Variants in FOXP2 observed in about 807,000 individuals in gnomAD.
The protein encoded by FOXP2 is forkhead box P2.
In FOXP2, 12 loss-of-function variants were observed where a neutral mutation model predicts 115.8. The ratio of observed to expected loss-of-function variants is 0.10; its 90% CI spans 0.07 to 0.17. The LOEUF is 0.17. Among genes scored for constraint, FOXP2 ranks in the 10% least tolerant of loss-of-function variants. The probability of loss-of-function intolerance (pLI) is 1.00; values close to 1 mark genes in which losing one functional copy is unlikely to be tolerated. For missense variants in FOXP2, 629 were observed against 843.5 expected (o/e 0.75, Z 3.15); for synonymous variants, 328 against 297.7 (o/e 1.10, Z -1.05).
chr7:114,352,936 G>A (rs1791529033), intron 2 of FOXP2, among the ~76,000 whole-genome samples: 1 of 152,060 alleles, frequency 6.6e-6, no homozygotes, highest in African/African-American at 2.4e-5. Flanking sequence ...GACGGACCAG[G>A]AAATAATACT....
chr7:114,607,825 C>T (rs1584946511), intron 3 of FOXP2, among the ~76,000 whole-genome samples: 3 of 152,010 alleles, frequency 2.0e-5, no homozygotes, highest in African/African-American at 7.2e-5. Context: ...TTTTTGAAAA[C>T]TAATGAATAA....
At chr7:114,367,518 A>G (rs1178174776) in intron 2 of FOXP2, among the ~76,000 whole-genome samples, 1 of 152,126 alleles carries the variant, frequency 6.6e-6, no homozygotes, top group Non-Finnish European at 1.5e-5. Context: ...ATAATAAGTT[A>G]CTAAATATCA....
chr7:114,450,276 A>G (rs981110240), intron 2 of FOXP2, among the ~76,000 whole-genome samples: 1 of 152,076 alleles, frequency 6.6e-6, no homozygotes, highest in Admixed American at 6.6e-5. Flanking sequence ...AAGGTATAAG[A>G]TGCCTGATGT....
chr7:114,369,181 CT>C (rs1435826841), intron 2 of FOXP2, among the ~76,000 whole-genome samples: 1 of 152,212 alleles, frequency 6.6e-6, no homozygotes, highest in Admixed American at 6.5e-5. Flanking sequence ...AAGCAGGAAA[CT>C]GCAAAGCTCT....
At chr7:114,592,220 A>G (rs570424230) in intron 3 of FOXP2, among the ~76,000 whole-genome samples, 2 of 152,194 alleles carry the variant, frequency 1.3e-5, no homozygotes, top group South Asian at 2.1e-4. Flanking sequence ...TGGATAAATT[A>G]TTTCAAGACA....
At chr7:114,645,852 A>T (rs1805852834) in intron 8 of FOXP2, 1 of 152,026 alleles carries the variant, frequency 6.6e-6, no homozygotes, top group Non-Finnish European at 1.5e-5. Context: ...TTCCACAAAG[A>T]TTTTTTTAAC....
chr7:114,627,037 GAGAAA>G (rs1455772852), intron 3 of FOXP2, among the ~76,000 whole-genome samples: 9 of 151,670 alleles, frequency 5.9e-5, no homozygotes, highest in African/African-American at 2.2e-4. Context: ...TGTTAACATG[GAGAAA>G]AGAAAAGACA....
At chr7:114,101,270 T>A (rs991483193) in intron 1 of FOXP2, among the ~76,000 whole-genome samples, 1 of 152,164 alleles carries the variant, frequency 6.6e-6, no homozygotes, top group African/African-American at 2.4e-5. Context: ...AGACAAAAGA[T>A]AGTCCAGAAC....
chr7:114,373,378 C>T (rs761189116), intron 2 of FOXP2, among the ~76,000 whole-genome samples: 9 of 152,072 alleles, frequency 5.9e-5, no homozygotes, highest in Admixed American at 2.6e-4. Flanking sequence ...TGTGGATTTA[C>T]GTACTGTGTT....
intron 1 of FOXP2, among the ~76,000 whole-genome samples, chr7:114,177,240 G>C (rs895403951): frequency 2.0e-5 from 3 of 152,126 alleles, no homozygotes; most frequent in African/African-American, 7.2e-5. Flanking sequence ...CTATAGCATA[G>C]TGTCAACTTA....
At position 114,693,491 on chromosome 7, in the gene FOXP2, T is replaced by C. The variant is rs1471213024; in HGVS notation, c.*3565T>C. 4.4e-6 allele frequency: 2 copies of C among 452,546 alleles called. No homozygotes were observed. The highest frequency in any genetic ancestry group is 2.4e-5 in the Admixed American group (1 of 42,374). 28.0% of individuals were successfully genotyped at this position (452,546 alleles called of 1,614,324 possible). A position where few individuals can be genotyped will look rare whatever the true frequency, so the allele number is the denominator to read the frequency against. On this transcript the variant is annotated 3_prime_UTR_variant, in exon 17 of 17. Coordinates refer to ENST00000350908, the MANE Select transcript of FOXP2 (RefSeq NM_014491.4). ...TTACACATGCCAGTATTAACACACA[T>C]TTGGACAATAGCTTTATTAAGTCTA... is the stretch of plus-strand genomic sequence containing the variant.
chr7:114,646,060 T>TAAAAAAAAAAA (rs57137258), intron 8 of FOXP2, among the ~76,000 whole-genome samples: 1 of 85,660 alleles, frequency 1.2e-5, no homozygotes, highest in Non-Finnish European at 2.3e-5. Flanking sequence ...TTTTCTTCTC[T>TAAAAAAAAAAA]AAAAAAAAAA....
At chr7:114,563,310 G>A (rs768087754) in intron 3 of FOXP2, among the ~76,000 whole-genome samples, 2 of 152,172 alleles carry the variant, frequency 1.3e-5, no homozygotes, top group Non-Finnish European at 2.9e-5. Flanking sequence ...TCTTACCTTA[G>A]TAGATCCTGT....
intron 3 of FOXP2, among the ~76,000 whole-genome samples, chr7:114,605,185 T>C (rs1361289424): frequency 6.6e-6 from 1 of 152,158 alleles, no homozygotes; most frequent in Non-Finnish European, 1.5e-5. Context: ...CATTTACATG[T>C]TTTTTTCTTG....
In FOXP2 at chr7:114,625,939, A is replaced by G. The variant is rs543006817; in HGVS notation, c.259-2601A>G. On this transcript the variant is annotated intron_variant, in intron 3 of 16. Transcript: ENST00000350908. ...TTATGTCTTTTGTACACATAGAAGTAGAGTGTTCAATCATGTATGTGTTAA... is the reference window on the plus strand; with the variant it reads ...TTATGTCTTTTGTACACATAGAAGTGGAGTGTTCAATCATGTATGTGTTAA... Among the ~76,000 whole-genome samples the G allele has an allele frequency of 2.0e-5, 3 of 151,872 alleles. No homozygotes were observed. The South Asian group carries it at 6.2e-4, about 32-fold the overall frequency.
chr7:114,400,151 C>A (rs1470639977), intron 2 of FOXP2, among the ~76,000 whole-genome samples: 2 of 152,034 alleles, frequency 1.3e-5, no homozygotes, highest in African/African-American at 4.8e-5. Flanking sequence ...AGCCACTGCG[C>A]CTGGCCAGAG....
chr7:114,566,429 G>A (rs1248389013), intron 3 of FOXP2, among the ~76,000 whole-genome samples: 1 of 151,950 alleles, frequency 6.6e-6, no homozygotes, highest in Non-Finnish European at 1.5e-5. Flanking sequence ...TTGTGATGGT[G>A]AGTGATCTCT....
intron 2 of FOXP2, chr7:114,499,809 C>A (rs1295548745): frequency 6.6e-6 from 1 of 152,056 alleles, no homozygotes; most frequent in Non-Finnish European, 1.5e-5. Context: ...AATTAATTAA[C>A]AAATAACATT....
intron 2 of FOXP2, among the ~76,000 whole-genome samples, chr7:114,334,931 C>CTATCTATATATATATATATATA (rs1797807926): frequency 8.4e-6 from 1 of 119,334 alleles, no homozygotes; most frequent in South Asian, 2.8e-4. Context: ...ATATAGAAAT[C>CTATCTATATATATATATATATA]TATATATATA....
Sources: allele counts gnomAD v4.1 joint callset (sites outside exome capture counted in the v4.1 genomes callset), GRCh38; gene constraint gnomAD v4.1.1; transcripts MANE v1.5; gene names NCBI Gene and HGNC (gene_info 2026-07-23, HGNC 2026-07-21).